The following RFC3 variants were observed in gnomAD, a reference collection of about 807,000 sequenced individuals.
RFC3 encodes the protein A1 38 kDa subunit.
A neutral mutation model predicts 45.1 loss-of-function variants in RFC3; 41 were observed. The ratio of observed to expected loss-of-function variants is 0.91; its 90% confidence interval spans 0.71 to 1.18. RFC3 has a LOEUF of 1.18. Among genes scored for constraint, RFC3 ranks in the 50% most tolerant of loss-of-function variants. RFC3 has a pLI of 0.00. For synonymous variants in RFC3, 149 were observed against 144.0 expected, an observed-to-expected ratio of 1.03 and a Z score of -0.25; for missense variants, 423 against 428.1, an observed-to-expected ratio of 0.99 and a Z score of 0.10.
intron 8 of RFC3, among the ~76,000 whole-genome samples, chr13:33,942,615 C>G (rs775584068): frequency 3.9e-5 from 6 of 152,230 alleles, no homozygotes; most frequent in Non-Finnish European, 8.8e-5. Context: ...TCTGATTAAA[C>G]TCTTGTAGTT....
chr13:33,969,980 TG>T (rs2083103501), downstream of RFC3, among the ~76,000 whole-genome samples: 1 of 151,994 alleles, frequency 6.6e-6, no homozygotes, highest in Non-Finnish European at 1.5e-5. Flanking sequence ...GCAGGGTTTT[TG>T]CATAGATAAA....
chr13:33,946,538 G>A (rs190177247), intron 8 of RFC3, among the ~76,000 whole-genome samples: 1 of 152,158 alleles, frequency 6.6e-6, no homozygotes, highest in East Asian at 1.9e-4. Flanking sequence ...CCCTTTACAT[G>A]TTAACGTAAA....
At chr13:33,831,492 G>A (rs571305984) in intron 7 of RFC3, 138 bp downstream of exon 7, 1 of 489,912 alleles carries the variant, frequency 2.0e-6, no homozygotes, top group Non-Finnish European at 3.4e-6. Flanking sequence ...GGAAAATGTA[G>A]CATTTAACTT....
chr13:33,849,475 AAC>A (rs2082262283), intron 8 of RFC3: 1 of 152,196 alleles, frequency 6.6e-6, no homozygotes, highest in Admixed American at 6.6e-5. Flanking sequence ...TGGAAAATAT[AAC>A]AGTCAGCTCT....
intron 8 of RFC3, among the ~76,000 whole-genome samples, chr13:33,916,876 T>C (rs1268305166): frequency 1.3e-5 from 2 of 152,160 alleles, no homozygotes; most frequent in African/African-American, 2.4e-5. Flanking sequence ...CCAAATGCAT[T>C]TTTGGTTTAT....
chr13:33,821,387 A>G, intron 2 of RFC3, 118 bp downstream of exon 2: 1 of 1,022,868 alleles, frequency 9.8e-7, no homozygotes, highest in South Asian at 1.5e-5. Context: ...AGAATTCCAC[A>G]GGTAGTCTTG....
At chr13:33,976,349 C>T in the RFC3 span, among the ~76,000 whole-genome samples, 4 of 152,074 alleles carry the variant, frequency 2.6e-5, no homozygotes, top group Non-Finnish European at 5.9e-5. Context: ...GGCACGTTCT[C>T]ATTCATATGT....
intron 8 of RFC3, among the ~76,000 whole-genome samples, chr13:33,930,615 G>C (rs1388099674): frequency 6.6e-6 from 1 of 152,066 alleles, no homozygotes; most frequent in Admixed American, 6.6e-5. Flanking sequence ...ACACACCCAG[G>C]AATAATACTT....
chr13:33,874,349 A>G (rs2082432105), intron 8 of RFC3, among the ~76,000 whole-genome samples: 1 of 151,898 alleles, frequency 6.6e-6, no homozygotes, highest in African/African-American at 2.4e-5. Context: ...ACAGAGTCTC[A>G]CTCTGTTATC....
intron 8 of RFC3, among the ~76,000 whole-genome samples, chr13:33,852,718 T>C (rs926173637): frequency 1.3e-5 from 2 of 152,210 alleles, no homozygotes; most frequent in African/African-American, 4.8e-5. Context: ...TAGAGACTTA[T>C]TTTAGGTCAA....
chr13:33,875,032 G>T (rs1413719987), intron 8 of RFC3, among the ~76,000 whole-genome samples: 2 of 152,138 alleles, frequency 1.3e-5, no homozygotes, highest in East Asian at 3.8e-4. Context: ...AGATTTACCC[G>T]GCGTCTTCCA....
the RFC3 span, among the ~76,000 whole-genome samples, chr13:33,976,837 G>T: frequency 2.0e-5 from 3 of 152,170 alleles, no homozygotes; most frequent in Non-Finnish European, 4.4e-5. Context: ...TGTGGGCTGT[G>T]CATGGTGGCC....
At chr13:33,877,370 A>G (rs1226542014) in intron 8 of RFC3, among the ~76,000 whole-genome samples, 5 of 152,212 alleles carry the variant, frequency 3.3e-5, no homozygotes, top group African/African-American at 7.2e-5. Flanking sequence ...CTATGGAGAG[A>G]ATCTCATTAA....
intron 8 of RFC3, among the ~76,000 whole-genome samples, chr13:33,953,155 A>G (rs1398601098): frequency 6.6e-6 from 1 of 152,146 alleles, no homozygotes; most frequent in Admixed American, 6.6e-5. Context: ...CAATTCCTAT[A>G]TGACTGTTTG....
At chr13:33,953,324 TAAAA>T (rs11342304) in intron 8 of RFC3, among the ~76,000 whole-genome samples, 8 of 105,526 alleles carry the variant, frequency 7.6e-5, no homozygotes, top group Non-Finnish European at 1.6e-4. Flanking sequence ...TGTTGCTCTT[TAAAA>T]AAAAAAAAAA....
At chr13:33,834,326 ATATATC>A (rs1489352272) in intron 7 of RFC3, among the ~76,000 whole-genome samples, 2 of 132,408 alleles carry the variant, frequency 1.5e-5, no homozygotes, top group African/African-American at 6.4e-5. Context: ...ATATATATAT[ATATATC>A]TGTACTGTAA....
At chr13:33,974,404 T>TC in the RFC3 span, among the ~76,000 whole-genome samples, 7,286 of 152,256 alleles carry the variant, frequency 0.048, 555 homozygotes, top group African/African-American at 0.16. Flanking sequence ...TCTTTGTGCA[T>TC]CTGGGGCCCA....
intron 8 of RFC3, among the ~76,000 whole-genome samples, chr13:33,870,672 A>G (rs1321991957): frequency 3.3e-5 from 5 of 152,224 alleles, no homozygotes; most frequent in African/African-American, 7.2e-5. Context: ...CAGCCGGCCC[A>G]TATGTCTGGC....
rs1266545989 is a variant in RFC3, at chr13:33,834,325, T to TACAC, written c.810-822_810-821insCACA. Among the ~76,000 whole-genome samples the TACAC allele has an allele frequency of 1.6e-3, 188 of 119,838 alleles. 7 individuals are homozygous for TACAC. The highest frequency in any genetic ancestry group is 6.2e-3 in the African/African-American group (166 of 26,858). The allele number at this position is 119,838 out of a possible 152,430, so 78.6% of individuals were successfully genotyped here. A position where few individuals can be genotyped will look rare whatever the true frequency, so the allele number is the denominator to read the frequency against. ...ATATATATATATATATATATATATA[T>TACAC]ATATATCTGTACTGTAAAAATTCAG... On this transcript the variant is annotated intron_variant, in intron 7 of 8. Coordinates refer to ENST00000380071, the MANE Select transcript of RFC3 (RefSeq NM_002915.4).
Sources: gnomAD v4.1 joint callset for allele counts (sites outside exome capture counted in the v4.1 genomes callset) on GRCh38, gnomAD v4.1.1 for gene constraint, MANE v1.5 for transcripts, NCBI Gene and HGNC (gene_info 2026-07-23, HGNC 2026-07-21) for gene names.